Variants in PTPN14 observed in about 807,000 individuals in gnomAD.
The protein encoded by PTPN14 is tyrosine-protein phosphatase non-receptor type 14.
In PTPN14, 53 loss-of-function variants were observed where a neutral mutation model predicts 126.8. That is an observed-to-expected ratio of 0.42 (90% CI 0.34 to 0.53). The LOEUF (loss-of-function observed/expected upper bound fraction) is 0.53, where lower values mean the gene tolerates loss of function less well. PTPN14 is among the 20% of genes least tolerant of loss of function. The probability of loss-of-function intolerance (pLI) is 0.08; values close to 1 mark genes in which losing one functional copy is unlikely to be tolerated. For synonymous variants in PTPN14, 630 were observed against 599.3 expected, an observed-to-expected ratio of 1.05 and a Z score of -0.75; for missense variants, 1,257 against 1,552.9, an observed-to-expected ratio of 0.81 and a Z score of 3.20.
chr1:214,539,094 T>G (rs1205925266), intron 1 of PTPN14, among the ~76,000 whole-genome samples: 5 of 152,208 alleles, frequency 3.3e-5, no homozygotes, highest in Non-Finnish European at 7.3e-5. Context: ...TAATGATGAC[T>G]TTAAATGTTT....
At chr1:214,534,480 G>A (rs12129205) in intron 1 of PTPN14, among the ~76,000 whole-genome samples, 2,454 of 152,132 alleles carry the variant, frequency 0.016, 22 homozygotes, top group South Asian at 0.03. Flanking sequence ...TTGGGAGGCC[G>A]AGGCGGGCGG....
At chr1:214,418,882 A>G (rs1476680269) in intron 3 of PTPN14, among the ~76,000 whole-genome samples, 1 of 152,216 alleles carries the variant, frequency 6.6e-6, no homozygotes, top group Non-Finnish European at 1.5e-5. Context: ...CTACATGTTA[A>G]TTTTCGAAGA....
At chr1:214,431,188 A>G (rs1558099084) in intron 3 of PTPN14, among the ~76,000 whole-genome samples, 1 of 152,232 alleles carries the variant, frequency 6.6e-6, no homozygotes, top group Non-Finnish European at 1.5e-5. Context: ...CATGCTTCAA[A>G]TGCCTCTGGA....
intron 2 of PTPN14, among the ~76,000 whole-genome samples, chr1:214,464,238 C>T (rs115193997): frequency 0.017 from 2,488 of 142,188 alleles, 66 homozygotes; most frequent in African/African-American, 0.061. Context: ...AAAAAGGCAG[C>T]TGCATGCATC....
intron 5 of PTPN14, among the ~76,000 whole-genome samples, chr1:214,404,557 G>T (rs1221470499): frequency 6.6e-6 from 1 of 152,156 alleles, no homozygotes; most frequent in Non-Finnish European, 1.5e-5. Context: ...AGATCAAAAA[G>T]TGTTCCATTA....
At position 214,397,900 on chromosome 1, in the gene PTPN14, C is replaced by A. The variant is rs750342020; in HGVS notation, c.758+13G>T. ...GTAAAAAAGAAAAAAGAAAAACAAACAAATAAGACTACCTGTATATTACCG... is the reference window on the plus strand; with the variant it reads ...GTAAAAAAGAAAAAAGAAAAACAAAAAAATAAGACTACCTGTATATTACCG... On this transcript the variant is annotated intron_variant, in intron 8 of 18. Coordinates refer to ENST00000366956, the MANE Select transcript of PTPN14 (RefSeq NM_005401.5). 1 of 1,570,858 alleles carries A rather than the reference C, an allele frequency of 6.4e-7. No individual in the cohort carries two copies. Among genetic ancestry groups the A allele is most frequent in the Non-Finnish European group, 8.7e-7 (1 of 1,145,758 alleles).
rs970226820 is a variant in PTPN14 at position 214,440,749 on chromosome 1, G to A, written c.344+11056C>T. On this transcript the variant is annotated intron_variant, in intron 3 of 18. Transcript: ENST00000366956. ...AGTTATACAGAAAGTGCAAGTATCG[G>A]CAGTCAGGACCTAAATACCTACAAG... Among the ~76,000 whole-genome samples the A allele has an allele frequency of 3.9e-5, 6 of 152,204 alleles. No individual in the cohort carries two copies. In the East Asian group the frequency reaches 1.2e-3, roughly 29 times the overall value.
intron 3 of PTPN14, among the ~76,000 whole-genome samples, chr1:214,430,650 G>A (rs1659778058): frequency 6.6e-6 from 1 of 152,166 alleles, no homozygotes; most frequent in Non-Finnish European, 1.5e-5. Context: ...CTGCCCTGCA[G>A]ATTTTGCATT....
chr1:214,471,845 A>G (rs1660765842), intron 1 of PTPN14, among the ~76,000 whole-genome samples: 1 of 152,232 alleles, frequency 6.6e-6, no homozygotes, highest in Non-Finnish European at 1.5e-5. Context: ...AAGATTTCTT[A>G]TTCTAGCCAA....
intron 15 of PTPN14, 123 bp downstream of exon 15, chr1:214,376,096 A>T (rs921701452): frequency 1.2e-6 from 1 of 861,046 alleles, no homozygotes; most frequent in Non-Finnish European, 1.8e-6. Context: ...TTCAAAAACA[A>T]TCCCTGAGGG....
At chr1:214,470,858 A>T (rs4626855) in intron 1 of PTPN14, among the ~76,000 whole-genome samples, 52,680 of 142,878 alleles carry the variant, frequency 0.37, 11,013 homozygotes, top group Middle Eastern at 0.55. Context: ...TACTAAAAAA[A>T]ATATATATAT....
chr1:214,385,906 C>A (rs563157914), intron 12 of PTPN14, among the ~76,000 whole-genome samples: 30 of 152,262 alleles, frequency 2.0e-4, no homozygotes, highest in Non-Finnish European at 4.3e-4. Flanking sequence ...ATAAAAAGTA[C>A]TATTTTTATT....
chr1:214,375,322 T>C (rs1226987932), intron 15 of PTPN14, among the ~76,000 whole-genome samples: 1 of 152,212 alleles, frequency 6.6e-6, no homozygotes, highest in Non-Finnish European at 1.5e-5. Flanking sequence ...GGAAAGTAAG[T>C]AATTCTAGAC....
chr1:214,465,884 T>TTTAAC (rs1553269107), intron 1 of PTPN14, among the ~76,000 whole-genome samples: 1 of 146,698 alleles, frequency 6.8e-6, no homozygotes, highest in Admixed American at 6.9e-5. Context: ...ATGTCTTATG[T>TTTAAC]TTTATTATTT....
chr1:214,536,588 C>A (rs759962598), intron 1 of PTPN14, among the ~76,000 whole-genome samples: 1 of 151,692 alleles, frequency 6.6e-6, no homozygotes, highest in Non-Finnish European at 1.5e-5. Flanking sequence ...AGTTCGAGAC[C>A]AGCTTGCGTA....
Position 214,384,496 on chromosome 1 carries a change from C to G in PTPN14, c.1359G>C (p.Lys453Asn). 1 of 1,614,124 alleles carries G rather than the reference C, an allele frequency of 6.2e-7. No individual in the cohort carries two copies. The highest frequency in any genetic ancestry group is 8.5e-7 in the Non-Finnish European group (1 of 1,180,028). Reference protein sequence around the residue: ...PDYETVMRQMKRGILHTDSQS... With the variant: ...PDYETVMRQMNRGILHTDSQS... The stretch of plus-strand genomic sequence containing the variant: ...GGCTGTCTGTATGCAGGATCCCCCT[C>G]TTCATCTGGCGCATGACTGTCTCAT... Residue 453 changes from lysine to asparagine, a missense_variant, in exon 13 of 19, where the codon AAG becomes AAC. Around this residue, in one of 3 missense-constraint regions of PTPN14, gnomAD observed 1,021 missense variants for 1,183.3 expected, o/e 0.86. Coordinates refer to ENST00000366956, the MANE Select transcript of PTPN14 (RefSeq NM_005401.5). This position sits in a 1 kb window ranked among gnomAD's most constrained non-coding sequence, Gnocchi z 5.3.
intron 1 of PTPN14, among the ~76,000 whole-genome samples, chr1:214,516,979 C>G (rs2102451513): frequency 6.6e-6 from 1 of 152,270 alleles, no homozygotes. Context: ...TCTCACAGTT[C>G]ATGTTCCCTC....
intron 1 of PTPN14, among the ~76,000 whole-genome samples, chr1:214,548,632 C>G (rs10494981): frequency 0.045 from 6,906 of 152,122 alleles, 217 homozygotes; most frequent in Middle Eastern, 0.11. Context: ...TCAAAAATGA[C>G]AAGAATATGG....
chr1:214,494,843 A>G (rs935583329), intron 1 of PTPN14, among the ~76,000 whole-genome samples: 5 of 152,258 alleles, frequency 3.3e-5, no homozygotes, highest in African/African-American at 1.2e-4. Flanking sequence ...AAGGAAGACC[A>G]AAGTATAATT....
Sources: gnomAD v4.1 joint callset for allele counts (sites outside exome capture counted in the v4.1 genomes callset) on GRCh38, gnomAD v4.1.1 for gene constraint, gnomAD v4.1.1 regional missense constraint, Gnocchi (gnomAD v3.1) non-coding constraint, MANE v1.5 for transcripts, NCBI Gene and HGNC (gene_info 2026-07-23, HGNC 2026-07-21) for gene names.